Variants in RAB11FIP3 observed in about 807,000 individuals in gnomAD.
The protein encoded by RAB11FIP3 is rab11 family-interacting protein 3.
A neutral mutation model predicts 77.8 loss-of-function variants in RAB11FIP3; 17 were observed. That is an observed-to-expected ratio of 0.22 (90% CI 0.15 to 0.33). The LOEUF is 0.33. Ranked by LOEUF, RAB11FIP3 falls within the 10% of genes least tolerant of loss-of-function variation. The probability of loss-of-function intolerance (pLI) is 1.00; values close to 1 mark genes in which losing one functional copy is unlikely to be tolerated. For synonymous variants in RAB11FIP3, 437 were observed against 448.2 expected, an observed-to-expected ratio of 0.98 and a Z score of 0.31; for missense variants, 1,005 against 1,011.2, an observed-to-expected ratio of 0.99 and a Z score of 0.08.
intron 2 of RAB11FIP3, among the ~76,000 whole-genome samples, chr16:465,506 T>C (rs2055686789): frequency 6.6e-6 from 1 of 152,104 alleles, no homozygotes; most frequent in East Asian, 1.9e-4. Flanking sequence ...CAGGGTGCAG[T>C]GTGGCAGGGC....
chr16:499,795 C>CAAAA (rs11319631), intron 6 of RAB11FIP3, among the ~76,000 whole-genome samples: 6 of 53,900 alleles, frequency 1.1e-4, no homozygotes, highest in Non-Finnish European at 2.0e-4. Context: ...AAGACTGTCT[C>CAAAA]AAAAAAAAAA....
At chr16:450,841 CCCCCA>C (rs1243915359) in intron 1 of RAB11FIP3, among the ~76,000 whole-genome samples, 1 of 131,988 alleles carries the variant, frequency 7.6e-6, no homozygotes, top group Non-Finnish European at 1.6e-5. Flanking sequence ...CCCTCCCCGC[CCCCCA>C]CCCCACCCCA....
intron 2 of RAB11FIP3, among the ~76,000 whole-genome samples, chr16:469,003 A>C (rs372915211): frequency 6.6e-6 from 1 of 152,172 alleles, no homozygotes; most frequent in East Asian, 1.9e-4. Flanking sequence ...TCTGTGTTTC[A>C]GTGTTTATAA....
chr16:480,665 A>G (rs1018519159), intron 3 of RAB11FIP3, among the ~76,000 whole-genome samples: 1 of 151,886 alleles, frequency 6.6e-6, no homozygotes, highest in South Asian at 2.1e-4. Flanking sequence ...ACACCTGGCT[A>G]ATTTTTGTAT....
Position 488,855 on chromosome 16 carries a change from C to T in RAB11FIP3, c.1120C>T (p.His374Tyr), listed in dbSNP as rs149810973. Residue 374 changes from histidine (H) to tyrosine (Y), a missense_variant, in exon 5 of 14, where the codon CAC becomes TAC. Around this residue, in one of 4 missense-constraint regions of RAB11FIP3, gnomAD observed 433 missense variants for 436.1 expected, o/e 0.99. Transcript: ENST00000262305. ...GALLLLPGRP[H>Y]PHGQSVITVI... The stretch of plus-strand genomic sequence containing the variant: ...CATTTCTGTTTTACTTTGCAGGCCT[C>T]ACCCCCATGGCCAGTCTGTCATCAC... The T allele has an allele frequency of 1.2e-6, 2 of 1,613,654 alleles. No homozygotes were observed. The highest frequency in any genetic ancestry group is 2.7e-5 in the African/African-American group (2 of 74,894).
chr16:458,120 C>T (rs868015222), intron 1 of RAB11FIP3, among the ~76,000 whole-genome samples: 4 of 152,236 alleles, frequency 2.6e-5, no homozygotes, highest in East Asian at 1.9e-4. Flanking sequence ...CTGGGGCTGG[C>T]CCTGTTTGAG....
At chr16:477,512 C>T (rs992124442) in intron 3 of RAB11FIP3, 2 of 488,020 alleles carry the variant, frequency 4.1e-6, no homozygotes, top group Non-Finnish European at 5.3e-6. Context: ...GGCCCAGCCT[C>T]TGACAGACAT....
At position 461,209 on chromosome 16, in the gene RAB11FIP3, C is replaced by T. The variant is rs968424144; in HGVS notation, c.715-195C>T. 5.3e-5 allele frequency among the ~76,000 whole-genome samples: 8 copies of T among 152,130 alleles called. No individual in the cohort carries two copies. The highest frequency in any genetic ancestry group is 2.0e-4 in the Admixed American group (3 of 15,270). ...CATGCGGAGCACACAGTAGGCTTTGCGCTCCTGTGAGAAGAACCTGATGCT... is the reference window on the plus strand; with the variant it reads ...CATGCGGAGCACACAGTAGGCTTTGTGCTCCTGTGAGAAGAACCTGATGCT... On this transcript the variant is annotated intron_variant, in intron 1 of 13. Transcript: ENST00000262305. This position sits in a 1 kb window ranked among gnomAD's most constrained non-coding sequence, Gnocchi z 4.5.
intron 4 of RAB11FIP3, among the ~76,000 whole-genome samples, chr16:485,094 G>T (rs376771891): frequency 6.6e-6 from 1 of 152,084 alleles, no homozygotes; most frequent in East Asian, 1.9e-4. Flanking sequence ...GCTTGCGGGA[G>T]GGGTCTGCAG....
chr16:462,354 C>T (rs2055621835), intron 2 of RAB11FIP3, among the ~76,000 whole-genome samples: 1 of 152,170 alleles, frequency 6.6e-6, no homozygotes, highest in Non-Finnish European at 1.5e-5. Flanking sequence ...GGATTATAGG[C>T]ACCCACCACC....
chr16:435,499 A>G (rs922173125), intron 1 of RAB11FIP3, among the ~76,000 whole-genome samples: 1 of 152,254 alleles, frequency 6.6e-6, no homozygotes, highest in Non-Finnish European at 1.5e-5. Flanking sequence ...TTATTATGAT[A>G]GAGTGATGTA....
chr16:426,275 C>T lies in RAB11FIP3; in HGVS notation c.269C>T (p.Pro90Leu), dbSNP rs1288635263. The T allele has an allele frequency of 1.6e-6, 2 of 1,212,682 alleles. No individual in the cohort carries two copies. The highest frequency in any genetic ancestry group is 2.0e-6 in the Non-Finnish European group (2 of 977,242). 75.1% of individuals were successfully genotyped at this position (1,212,682 alleles called of 1,614,324 possible). A position where few individuals can be genotyped will look rare whatever the true frequency, so the allele number is the denominator to read the frequency against. Residue 90 changes from proline (P) to leucine (L), a missense_variant, in exon 1 of 14, where the codon CCG becomes CTG. Pro to Leu is a moderately conservative substitution (Grantham distance 98). This residue lies in a region of RAB11FIP3 where 466 missense variants were observed against 408.3 expected (regional missense o/e 1.14). Transcript: ENST00000262305. This position sits in a 1 kb window ranked among gnomAD's most constrained non-coding sequence, Gnocchi z 5.0. Reference protein sequence around the residue: ...GGPRDPGPSAPPPRSGPRGQL... With the variant: ...GGPRDPGPSALPPRSGPRGQL... ...CCGCGAGACCCCGGGCCGTCCGCCC[C>T]GCCGCCGCGCTCCGGCCCGCGGGGG...
chr16:510,701 G>C lies in RAB11FIP3; in HGVS notation c.1541G>C (p.Arg514Thr). 6.2e-7 allele frequency: 1 copy of C among 1,612,510 alleles called. No homozygotes were observed. The highest frequency in any genetic ancestry group is 8.5e-7 in the Non-Finnish European group (1 of 1,179,594). Residue 514 changes from arginine to threonine, a missense_variant, in exon 9 of 14, where the codon AGA becomes ACA. By Grantham distance (71) the Arg-to-Thr change is moderately conservative (BLOSUM62 -1). Around this residue, in one of 4 missense-constraint regions of RAB11FIP3, gnomAD observed 433 missense variants for 436.1 expected, o/e 0.99. Transcript: ENST00000262305. ...GAGCAGCTGAAGGAGCAGGAGCTGA[G>C]AGCCTGCGAGATGGTCCTGGAAGAG... is the stretch of plus-strand genomic sequence containing the variant. Reference protein sequence around the residue: ...LEEQLKEQELRACEMVLEETR... With the variant: ...LEEQLKEQELTACEMVLEETR...
chr16:479,648 C>T (rs1345518437), intron 3 of RAB11FIP3, among the ~76,000 whole-genome samples: 1 of 152,174 alleles, frequency 6.6e-6, no homozygotes, highest in Non-Finnish European at 1.5e-5. Context: ...CTCTGCCAGG[C>T]TCAGTAGCTC....
rs145754110 is a variant in RAB11FIP3, at chr16:508,307, T to C, written c.1500-2353T>C. 6.0e-4 allele frequency among the ~76,000 whole-genome samples: 91 copies of C among 152,356 alleles called. 1 individual carries two copies. The East Asian group carries it at 0.013, about 22-fold the overall frequency. ...ACTTCTGTTTCCCACCCTACATACT[T>C]GGAGGAGGATCTTGTATTATTTGCC... is the stretch of plus-strand genomic sequence containing the variant. On this transcript the variant is annotated intron_variant, in intron 8 of 13. Transcript: ENST00000262305.
intron 3 of RAB11FIP3, chr16:474,938 A>G (rs1455538974): frequency 6.5e-7 from 1 of 1,547,610 alleles, no homozygotes; most frequent in African/African-American, 1.4e-5. Flanking sequence ...AAACCCCAGC[A>G]TGACAAGCAA....
chr16:491,205 G>T, intron 5 of RAB11FIP3: 1 of 1,304,836 alleles, frequency 7.7e-7, no homozygotes, highest in Non-Finnish European at 1.0e-6. Context: ...TGTAGCCAGT[G>T]CCACAAACAA....
intron 6 of RAB11FIP3, among the ~76,000 whole-genome samples, chr16:501,165 A>C (rs1027154315): frequency 4.6e-5 from 7 of 152,256 alleles, no homozygotes; most frequent in Non-Finnish European, 1.0e-4. Flanking sequence ...CGAACTTCAT[A>C]CACTTGGTAG....
intron 5 of RAB11FIP3, among the ~76,000 whole-genome samples, chr16:492,533 G>A (rs1190193878): frequency 6.6e-6 from 1 of 151,156 alleles, no homozygotes; most frequent in Non-Finnish European, 1.5e-5. Context: ...GAGACCCGAG[G>A]CCGTCCAGAA....
Sources: allele counts gnomAD v4.1 joint callset (sites outside exome capture counted in the v4.1 genomes callset), GRCh38; gene constraint gnomAD v4.1.1; regional missense constraint gnomAD v4.1.1; non-coding constraint Gnocchi (gnomAD v3.1); transcripts MANE v1.5; gene names NCBI Gene and HGNC (gene_info 2026-07-23, HGNC 2026-07-21).